Variants in PPP2R2C observed in about 807,000 individuals in gnomAD.
PPP2R2C encodes the protein protein phosphatase 2 regulatory subunit Bgamma.
Under a neutral mutation model 45.3 loss-of-function variants are expected in PPP2R2C, and 10 were observed. That is an observed-to-expected ratio of 0.22 (90% CI 0.14 to 0.37). PPP2R2C has a LOEUF of 0.37. PPP2R2C is among the 10% of genes least tolerant of loss of function. The pLI is 1.00. For missense variants in PPP2R2C, 308 were observed against 619.7 expected (o/e 0.50, Z 5.34); for synonymous variants, 257 against 245.4 (o/e 1.05, Z -0.44).
chr4:6,338,052 A>C (rs913692894), intron 6 of PPP2R2C, among the ~76,000 whole-genome samples: 25 of 151,438 alleles, frequency 1.7e-4, no homozygotes, highest in African/African-American at 5.6e-4. Flanking sequence ...ACACACACAC[A>C]CCCCGCTGCA....
chr4:6,341,382 A>G (rs544287972), intron 6 of PPP2R2C, among the ~76,000 whole-genome samples: 1 of 151,500 alleles, frequency 6.6e-6, no homozygotes, highest in South Asian at 2.1e-4. Flanking sequence ...CAATTCCTGT[A>G]AGAGTTTTAG....
intron 5 of PPP2R2C, among the ~76,000 whole-genome samples, chr4:6,361,724 C>G (rs192163038): frequency 6.6e-6 from 1 of 152,320 alleles, no homozygotes; most frequent in African/African-American, 2.4e-5. Context: ...GCCTTGGTTT[C>G]CAAGAACTGA....
intron 2 of PPP2R2C, among the ~76,000 whole-genome samples, chr4:6,495,798 G>A (rs75545968): frequency 6.6e-6 from 1 of 152,178 alleles, no homozygotes; most frequent in African/African-American, 2.4e-5. Context: ...CTTTTGCGTG[G>A]TGTATGAGTT....
At chr4:6,452,662 G>A (rs1008445208) in intron 1 of PPP2R2C, among the ~76,000 whole-genome samples, 1 of 152,246 alleles carries the variant, frequency 6.6e-6, no homozygotes, top group African/African-American at 2.4e-5. Flanking sequence ...CCATGCCTAT[G>A]TAGCCAGAGA....
chr4:6,457,266 TA>T (rs1721093319), intron 1 of PPP2R2C, among the ~76,000 whole-genome samples: 1 of 146,916 alleles, frequency 6.8e-6, no homozygotes, highest in Non-Finnish European at 1.5e-5. Context: ...GCCATCCTAA[TA>T]ATCAATGAGG....
chr4:6,448,057 G>A (rs1235275504), intron 1 of PPP2R2C, among the ~76,000 whole-genome samples: 1 of 152,082 alleles, frequency 6.6e-6, no homozygotes, highest in Non-Finnish European at 1.5e-5. Context: ...CTACGACCGG[G>A]GGATGCACAG....
chr4:6,324,408 G>T lies in PPP2R2C; in HGVS notation c.1053-815C>A, dbSNP rs1354026596. ...ATCGCGCCACTGCACTCCAGCCTGGGCAATAAGAGCAAAACTCCGTCTCGA... is the reference window on the plus strand; with the variant it reads ...ATCGCGCCACTGCACTCCAGCCTGGTCAATAAGAGCAAAACTCCGTCTCGA... On this transcript the variant is annotated intron_variant, in intron 8 of 8. Coordinates refer to ENST00000382599, the MANE Select transcript of PPP2R2C (RefSeq NM_020416.4). The surrounding 1 kb of genome is among the most constrained non-coding windows in gnomAD (Gnocchi z 4.1). 6.6e-6 allele frequency among the ~76,000 whole-genome samples: 1 copy of T among 151,382 alleles called. No individual in the cohort carries two copies. Among genetic ancestry groups the T allele is most frequent in the Non-Finnish European group, 1.5e-5 (1 of 67,946 alleles).
Position 6,472,447 on chromosome 4 carries a change from G to A in PPP2R2C, c.-218C>T. On this transcript the variant is annotated 5_prime_UTR_variant, in exon 1 of 9. Coordinates refer to ENST00000382599, the MANE Select transcript of PPP2R2C (RefSeq NM_020416.4). ...CGCGCGGTGGGCGGGCGGCGGCCGC[G>A]GGTTCGGGCGGGCCGGGGCCCAGGC... 2.2e-6 allele frequency: 1 copy of A among 445,130 alleles called. No individual in the cohort carries two copies. The highest frequency in any genetic ancestry group is 1.1e-3 in the Middle Eastern group (1 of 930). 27.6% of individuals were successfully genotyped at this position (445,130 alleles called of 1,614,324 possible).
intron 1 of PPP2R2C, among the ~76,000 whole-genome samples, chr4:6,410,511 T>C (rs902679282): frequency 6.6e-6 from 1 of 151,966 alleles, no homozygotes; most frequent in Non-Finnish European, 1.5e-5. Flanking sequence ...AGGTGGAAGG[T>C]AAAATATCAA....
intron 3 of PPP2R2C, among the ~76,000 whole-genome samples, chr4:6,377,440 G>A (rs1163609642): frequency 1.3e-5 from 2 of 152,228 alleles, no homozygotes; most frequent in East Asian, 1.9e-4. Flanking sequence ...CGGATCACCC[G>A]AGGTCAGGAG....
At chr4:6,444,072 A>C (rs998292105) in intron 1 of PPP2R2C, among the ~76,000 whole-genome samples, 15 of 152,182 alleles carry the variant, frequency 9.9e-5, no homozygotes, top group African/African-American at 3.4e-4. Context: ...TTGGGAACCC[A>C]AACAGGTCCA....
intron 2 of PPP2R2C, among the ~76,000 whole-genome samples, chr4:6,482,843 A>G (rs1421793393): frequency 1.3e-5 from 2 of 152,168 alleles, no homozygotes; most frequent in Non-Finnish European, 2.9e-5. Context: ...GATGTTTGCT[A>G]TCAGGTTTTG....
chr4:6,335,484 GGA>G (rs1732774743), intron 6 of PPP2R2C, among the ~76,000 whole-genome samples: 1 of 152,162 alleles, frequency 6.6e-6, no homozygotes, highest in Non-Finnish European at 1.5e-5. Flanking sequence ...GGGGGAACAG[GGA>G]CGCAAGGGGC....
At chr4:6,358,451 A>G (rs1713422107) in intron 5 of PPP2R2C, among the ~76,000 whole-genome samples, 1 of 152,120 alleles carries the variant, frequency 6.6e-6, no homozygotes, top group Non-Finnish European at 1.5e-5. Flanking sequence ...CTAAAACACC[A>G]AAAGCAATGG....
chr4:6,552,282 C>A (rs574419199), intron 1 of PPP2R2C, among the ~76,000 whole-genome samples: 169 of 152,302 alleles, frequency 1.1e-3, no homozygotes, highest in African/African-American at 3.9e-3. Context: ...AGCTTATTCT[C>A]TAACTGTTCT....
chr4:6,495,286 T>G (rs772298122), intron 2 of PPP2R2C, among the ~76,000 whole-genome samples: 3 of 152,210 alleles, frequency 2.0e-5, no homozygotes, highest in African/African-American at 7.2e-5. Flanking sequence ...GAATGCCATA[T>G]GGCTATCGAG....
At chr4:6,465,175 C>T (rs1223127445) in intron 1 of PPP2R2C, among the ~76,000 whole-genome samples, 1 of 146,670 alleles carries the variant, frequency 6.8e-6, no homozygotes, top group Non-Finnish European at 1.5e-5. Flanking sequence ...AATGGTAAAC[C>T]TGTAGGAAAA....
At chr4:6,439,464 C>A (rs1292342763) in intron 1 of PPP2R2C, among the ~76,000 whole-genome samples, 1 of 152,188 alleles carries the variant, frequency 6.6e-6, no homozygotes, top group African/African-American at 2.4e-5. Flanking sequence ...TAGCTCATTT[C>A]CATCCCAGAA....
intron 1 of PPP2R2C, among the ~76,000 whole-genome samples, chr4:6,400,957 C>T (rs1419255404): frequency 6.6e-6 from 1 of 152,150 alleles, no homozygotes; most frequent in African/African-American, 2.4e-5. Context: ...AGAAGGGCCT[C>T]CATTCATATA....
Sources: gnomAD v4.1 joint callset for allele counts (sites outside exome capture counted in the v4.1 genomes callset) on GRCh38, gnomAD v4.1.1 for gene constraint, Gnocchi (gnomAD v3.1) non-coding constraint, MANE v1.5 for transcripts, NCBI Gene and HGNC (gene_info 2026-07-23, HGNC 2026-07-21) for gene names.